The following KAZN variants were observed in gnomAD, a reference collection of about 807,000 sequenced individuals.
KAZN encodes kazrin.
Under a neutral mutation model 87.4 loss-of-function variants are expected in KAZN, and 40 were observed. That is an observed-to-expected ratio of 0.46 (90% CI 0.36 to 0.60). KAZN has a LOEUF of 0.60. KAZN is among the 20% of genes least tolerant of loss of function. KAZN has a pLI of 0.00. For synonymous variants in KAZN, 466 were observed against 458.3 expected (o/e 1.02, Z -0.22); for missense variants, 898 against 1,073.9 (o/e 0.84, Z 2.29).
At chr1:15,031,403 G>T (rs562666594) in intron 2 of KAZN, among the ~76,000 whole-genome samples, 1 of 152,226 alleles carries the variant, frequency 6.6e-6, no homozygotes, top group Non-Finnish European at 1.5e-5. Context: ...GGAAAAGGAC[G>T]GAGTGCTAGG....
intron 2 of KAZN, among the ~76,000 whole-genome samples, chr1:14,557,308 TTTTTA>T (rs564262370): frequency 9.7e-4 from 148 of 152,300 alleles, no homozygotes; most frequent in Non-Finnish European, 1.9e-3. Context: ...ATCAAAGTTA[TTTTTA>T]AAAGACTCCT....
chr1:14,787,330 C>CAAGG (rs1325238515), intron 1 of KAZN, among the ~76,000 whole-genome samples: 2 of 152,096 alleles, frequency 1.3e-5, no homozygotes, highest in Non-Finnish European at 2.9e-5. Context: ...AGTAGAAAAC[C>CAAGG]AAGGCATAGT....
At chr1:14,742,011 T>C (rs1644115735) in intron 1 of KAZN, among the ~76,000 whole-genome samples, 2 of 152,214 alleles carry the variant, frequency 1.3e-5, no homozygotes, top group South Asian at 4.1e-4. Flanking sequence ...ACCTTCTTGA[T>C]ACTATGAAAT....
At chr1:14,124,478 T>C (rs1644819591) in intron 1 of KAZN, 1 of 152,258 alleles carries the variant, frequency 6.6e-6, no homozygotes, top group Non-Finnish European at 1.5e-5. Context: ...CTTGTTAAAG[T>C]CAGGGATCTT....
At chr1:14,226,078 AAAAC>A (rs140542383) in intron 2 of KAZN, among the ~76,000 whole-genome samples, 504 of 152,226 alleles carry the variant, frequency 3.3e-3, no homozygotes, top group Non-Finnish European at 4.9e-3. Context: ...ACAACAAAAC[AAAAC>A]AAACAAAAAA....
intron 1 of KAZN, among the ~76,000 whole-genome samples, chr1:14,698,648 A>G (rs1641751982): frequency 6.6e-6 from 1 of 152,200 alleles, no homozygotes; most frequent in Non-Finnish European, 1.5e-5. Flanking sequence ...ACTTAGCATG[A>G]GCTGTCTCCT....
intron 1 of KAZN, among the ~76,000 whole-genome samples, chr1:14,805,801 TA>T (rs1362360706): frequency 7.7e-6 from 1 of 130,676 alleles, no homozygotes; most frequent in Non-Finnish European, 1.7e-5. Context: ...ATAATAATAA[TA>T]ATAAATTAAA....
intron 2 of KAZN, among the ~76,000 whole-genome samples, chr1:14,552,518 A>G (rs1673603138): frequency 6.6e-6 from 1 of 152,172 alleles, no homozygotes; most frequent in Non-Finnish European, 1.5e-5. Flanking sequence ...TGCTCCCTGT[A>G]TTTTCTGGTG....
chr1:14,452,490 G>A (rs1268587802), intron 2 of KAZN, among the ~76,000 whole-genome samples: 2 of 152,186 alleles, frequency 1.3e-5, no homozygotes, highest in Admixed American at 6.5e-5. Context: ...TGCAAGGACA[G>A]GCAAAAGGCG....
At chr1:14,538,662 T>C (rs987469578) in intron 2 of KAZN, among the ~76,000 whole-genome samples, 11 of 152,206 alleles carry the variant, frequency 7.2e-5, no homozygotes, top group Non-Finnish European at 1.5e-4. Context: ...ACGTAAATTA[T>C]GGAGAAGACA....
At chr1:14,255,079 C>T (rs1381894101) in intron 2 of KAZN, among the ~76,000 whole-genome samples, 3 of 141,102 alleles carry the variant, frequency 2.1e-5, no homozygotes, top group African/African-American at 8.0e-5. Context: ...GAGATTGCGC[C>T]ACTGCACTCC....
At chr1:14,059,570 C>G (rs555313284) in intron 1 of KAZN, among the ~76,000 whole-genome samples, 26 of 152,344 alleles carry the variant, frequency 1.7e-4, no homozygotes, top group Non-Finnish European at 2.8e-4. Flanking sequence ...TCCCAGTCCA[C>G]GGACTCAAAA....
At position 13,985,567 on chromosome 1, in the gene KAZN, GA is replaced by G. The variant is rs1302658953; in HGVS notation, c.91+91812del. Among the ~76,000 whole-genome samples, 220 of 101,438 alleles carry G rather than the reference GA, an allele frequency of 2.2e-3. 2 individuals carry two copies. Among genetic ancestry groups the G allele is most frequent in the African/African-American group, 8.3e-3 (212 of 25,652 alleles). 66.5% of individuals were successfully genotyped at this position (101,438 alleles called of 152,430 possible). Reference sequence around the variant, plus strand: ...TCTGGGGACTGTTGTGGGGTGGGGGGAGGGGGGAGGGATAGCATTGGGAGAT... The same window carrying G: ...TCTGGGGACTGTTGTGGGGTGGGGGGGGGGGGAGGGATAGCATTGGGAGAT... On this transcript the variant is annotated intron_variant, in intron 1 of 16. Coordinates refer to the KAZN transcript ENST00000636203.
At chr1:15,029,193 A>G (rs116581060) in intron 2 of KAZN, among the ~76,000 whole-genome samples, 2,397 of 152,256 alleles carry the variant, frequency 0.016, 57 homozygotes, top group African/African-American at 0.056. Flanking sequence ...TTGGAGCATC[A>G]TGGTGAGGAG....
At chr1:14,013,402 G>A (rs6696104) in intron 1 of KAZN, among the ~76,000 whole-genome samples, 7,294 of 152,196 alleles carry the variant, frequency 0.048, 529 homozygotes, top group African/African-American at 0.16. Flanking sequence ...ACCTTTTAAT[G>A]AAAGGAGAAC....
chr1:14,334,970 T>C lies in KAZN; in HGVS notation c.249+154378T>C, dbSNP rs115814160. On this transcript the variant is annotated intron_variant, in intron 2 of 16. Coordinates refer to the KAZN transcript ENST00000636203. ...ACAGAGAGTGAGAGAGTGACACAGA[T>C]AGATATAGGCAGACACTGATATGGT... is the stretch of plus-strand genomic sequence containing the variant. Among the ~76,000 whole-genome samples, 1,139 of 152,016 alleles carry C rather than the reference T, an allele frequency of 7.5e-3. 14 individuals carry two copies. The highest frequency in any genetic ancestry group is 0.026 in the African/African-American group (1,060 of 41,464).
intron 1 of KAZN, among the ~76,000 whole-genome samples, chr1:14,621,372 C>A (rs1164921829): frequency 6.6e-6 from 1 of 152,200 alleles, no homozygotes; most frequent in African/African-American, 2.4e-5. Context: ...GTTTAATCCA[C>A]ATGCTCGTTT....
intron 2 of KAZN, among the ~76,000 whole-genome samples, chr1:14,384,174 A>G (rs930492395): frequency 6.0e-5 from 9 of 150,524 alleles, no homozygotes; most frequent in Non-Finnish European, 1.2e-4. Context: ...TTGTATCCTG[A>G]GACTTTGCTG....
intron 2 of KAZN, among the ~76,000 whole-genome samples, chr1:14,552,267 G>C (rs1396553670): frequency 7.2e-5 from 11 of 152,174 alleles, no homozygotes; most frequent in Admixed American, 6.5e-4. Context: ...AAGAGATCTT[G>C]AGCGGTTCAT....
Sources: allele counts gnomAD v4.1 joint callset (sites outside exome capture counted in the v4.1 genomes callset), GRCh38; gene constraint gnomAD v4.1.1; transcripts MANE v1.5; gene names NCBI Gene and HGNC (gene_info 2026-07-23, HGNC 2026-07-21).